APOA5: variants seen among roughly 807,000 people sequenced by gnomAD.
The protein encoded by APOA5 is apolipoprotein A5, also known as apolipoprotein A-V.
A neutral mutation model predicts 31.8 loss-of-function variants in APOA5; 26 were observed. The ratio of observed to expected loss-of-function variants is 0.82; its 90% CI spans 0.60 to 1.13. APOA5 has a LOEUF of 1.13. APOA5 is among the 50% of genes most tolerant of loss of function. The pLI is 0.00. For missense variants in APOA5, 450 were observed against 488.0 expected (o/e 0.92, Z 0.73); for synonymous variants, 186 against 198.5 (o/e 0.94, Z 0.53).
chr11:116,791,211 T>C, intron 2 of APOA5, 144 bp from the exon 3 acceptor site: 9 of 765,158 alleles, frequency 1.2e-5, no homozygotes. Flanking sequence ...GTCCTAGCCC[T>C]GGCCAGTAAC....
chr11:116,790,355 T>C lies in APOA5; in HGVS notation c.874A>G (p.Thr292Ala), dbSNP rs766805532. ...GTGAAGGCAGCTATCTGCAGGTAGGTGTCCTGGCGGAAAGCCTGAAGTCGC... is the reference window on the plus strand; with the variant it reads ...GTGAAGGCAGCTATCTGCAGGTAGGCGTCCTGGCGGAAAGCCTGAAGTCGC... ...RQRLQAFRQD[T>A]YLQIAAFTRA... The change falls in exon 3 of 3, where the codon ACC (threonine) becomes GCC (alanine). Residue 292 changes from threonine to alanine, a missense_variant. Thr to Ala is a moderately conservative substitution (Grantham distance 58, BLOSUM62 0). Coordinates refer to ENST00000227665, the MANE Select transcript of APOA5 (RefSeq NM_001371904.1). 17 of 1,613,912 alleles carry C rather than the reference T, an allele frequency of 1.1e-5. No homozygotes were observed. In the South Asian group the frequency reaches 1.8e-4, roughly 17 times the overall value.
chr11:116,790,409 G>T lies in APOA5; in HGVS notation c.820C>A (p.Pro274Thr), dbSNP rs769276750. ...TGTEEGAGPD[P>T]QMLSEEVRQR... is the part of the protein sequence containing the mutation. ...CGCACCTCCTCGGAGAGCATCTGGG[G>T]GTCCGGGCCGGCCCCTTCCTCAGTC... Residue 274 changes from proline to threonine, a missense_variant, in exon 3 of 3, where the codon CCC (proline) becomes ACC (threonine). Coordinates refer to ENST00000227665, the MANE Select transcript of APOA5 (RefSeq NM_001371904.1). 2.5e-6 allele frequency: 4 copies of T among 1,608,030 alleles called. No homozygotes were observed. The highest frequency in any genetic ancestry group is 2.7e-5 in the African/African-American group (2 of 75,076).
rs1356245997 is a variant in APOA5 at position 116,789,962 on chromosome 11, G to A, written c.*166C>T. 2.1e-5 allele frequency: 15 copies of A among 702,658 alleles called. No homozygotes were observed. The highest frequency in any genetic ancestry group is 1.5e-4 in the South Asian group (9 of 59,234). The allele number at this position is 702,658 out of a possible 1,614,324, so 43.5% of individuals were successfully genotyped here. A position where few individuals can be genotyped will look rare whatever the true frequency, so the allele number is the denominator to read the frequency against. On this transcript the variant is annotated 3_prime_UTR_variant, in exon 3 of 3. Coordinates refer to ENST00000227665, the MANE Select transcript of APOA5 (RefSeq NM_001371904.1). ...GCATCCAGATTGGGGAGTCGCAGGA[G>A]GCTGGATGTGCAGGAGACAGCAGCC...
intron 2 of APOA5, chr11:116,791,373 A>G (rs1043503221): frequency 1.5e-5 from 11 of 710,960 alleles, no homozygotes; most frequent in Non-Finnish European, 2.8e-5. Context: ...CTCAGTGAGC[A>G]AGGGGGCAAC....
In APOA5 at chr11:116,791,813, T is replaced by C. The variant is rs1184540657; in HGVS notation, c.48A>G (p.Ser16=). The change falls in exon 1 of 3, where the codon TCA becomes TCG. Residue 16 remains serine (S), a splice_region_variant and synonymous_variant. Transcript: ENST00000227665. ...TTGAAGTCAGGGTCGGAGACCCACC[T>C]GAAAGAAGAGCCAGAGCCCAGGTGA... ...AVLTWALALL[S]AFSATQARKG... 6.2e-7 allele frequency: 1 copy of C among 1,614,188 alleles called. No individual in the cohort carries two copies.
In APOA5 at chr11:116,790,560, G is replaced by T; in HGVS notation, c.669C>A (p.Arg223=). 6.2e-7 allele frequency: 1 copy of T among 1,600,226 alleles called. No individual in the cohort carries two copies. Residue 223 remains arginine (R), a synonymous_variant, in exon 3 of 3, where the codon CGC becomes CGA. Coordinates refer to ENST00000227665, the MANE Select transcript of APOA5 (RefSeq NM_001371904.1). ...AGAGCACCTGCACGCAGCGACTGAG[G>T]CGCGCGGGGCTGGCGGGGGCGTGCG... The part of the protein sequence containing the change: ...VAPHAPASPA[R]LSRCVQVLSR...
rs768681709 is a variant in APOA5, at chr11:116,790,395, G to A, written c.834C>T (p.Ser278=). 1 of 1,610,606 alleles carries A rather than the reference G, an allele frequency of 6.2e-7. No homozygotes were observed. Among genetic ancestry groups the A allele is most frequent in the Non-Finnish European group, 8.5e-7 (1 of 1,180,010 alleles). ...CCTGAAGTCGCTGGCGCACCTCCTC[G>A]GAGAGCATCTGGGGGTCCGGGCCGG... ...EGAGPDPQML[S]EEVRQRLQAF... The change falls in exon 3 of 3, where the codon TCC becomes TCT. Residue 278 remains serine, a synonymous_variant. Coordinates refer to ENST00000227665, the MANE Select transcript of APOA5 (RefSeq NM_001371904.1).
chr11:116,791,456 A>C, intron 2 of APOA5, 130 bp downstream of exon 2: 2 of 1,017,918 alleles, frequency 2.0e-6, no homozygotes, highest in Admixed American at 2.0e-5. Flanking sequence ...GGATCTGCAG[A>C]CAGAGCTAGC....
Position 116,789,995 on chromosome 11 carries a change from T to C in APOA5, c.*133A>G. On this transcript the variant is annotated 3_prime_UTR_variant, in exon 3 of 3. Transcript: ENST00000227665. ...GTGCAGGAGACAGCAGCCCCTTTGGTGGCCTCCCTGTCCTGCACAGGACCT... is the reference window on the plus strand; with the variant it reads ...GTGCAGGAGACAGCAGCCCCTTTGGCGGCCTCCCTGTCCTGCACAGGACCT... The C allele has an allele frequency of 1.1e-6, 1 of 924,456 alleles. No individual in the cohort carries two copies. 57.3% of individuals were successfully genotyped at this position (924,456 alleles called of 1,614,324 possible).
chr11:116,790,652 G>T lies in APOA5; in HGVS notation c.577C>A (p.Pro193Thr). ...CCGCTCACCAGGCTCTCGGCGTATG[G>T]GTGGAAGAGCTCTTTGAAGCGGCCG... Reference protein sequence around the residue: ...HTGRFKELFHPYAESLVSGIG... With the variant: ...HTGRFKELFHTYAESLVSGIG... The change falls in exon 3 of 3, where the codon CCA (proline) becomes ACA (threonine). Residue 193 changes from proline to threonine, a missense_variant. Pro to Thr is a conservative substitution (Grantham distance 38). Coordinates refer to ENST00000227665, the MANE Select transcript of APOA5 (RefSeq NM_001371904.1). 6.2e-7 allele frequency: 1 copy of T among 1,612,050 alleles called. No individual in the cohort carries two copies. Among genetic ancestry groups the T allele is most frequent in the Non-Finnish European group, 8.5e-7 (1 of 1,179,876 alleles).
rs770878204 is a variant in APOA5, at chr11:116,791,603, C to T, written c.144G>A (p.Lys48=). ...GCACTCACGCGGGCTCGCGAGCCAT[C>T]TTCTGCTGATGGATCTGCTCCACCC... ...KGRVEQIHQQ[K]MAREPATLKD... The change falls in exon 2 of 3, where the codon AAG becomes AAA. Residue 48 remains lysine, a synonymous_variant. Transcript: ENST00000227665. The T allele has an allele frequency of 4.4e-6, 7 of 1,605,296 alleles. No individual in the cohort carries two copies. The highest frequency in any genetic ancestry group is 6.0e-6 in the Non-Finnish European group (7 of 1,176,120).
At chr11:116,791,130 C>A (rs780201601) in intron 2 of APOA5, 63 bp from the exon 3 acceptor site, 1 of 1,381,700 alleles carries the variant, frequency 7.2e-7, no homozygotes, top group South Asian at 1.2e-5. Flanking sequence ...CCTTTGTCCC[C>A]AAGTCATCGC....
chr11:116,790,583 G>C lies in APOA5; in HGVS notation c.646C>G (p.His216Asp). 6.3e-7 allele frequency: 1 copy of C among 1,599,938 alleles called. No homozygotes were observed. The highest frequency in any genetic ancestry group is 1.3e-5 in the African/African-American group (1 of 74,976). ...AGGCGCGCGGGGCTGGCGGGGGCGT[G>C]CGGAGCCACACTGCGGTGCAGCTCC... ...VQELHRSVAP[H>D]APASPARLSR... is the part of the protein sequence containing the mutation. Residue 216 changes from histidine (H) to aspartate (D), a missense_variant, in exon 3 of 3, where the codon CAC becomes GAC. Physicochemically the swap from His to Asp is moderately conservative, Grantham distance 81. Transcript: ENST00000227665.
chr11:116,790,921 A>G lies in APOA5; in HGVS notation c.308T>C (p.Val103Ala). 6.2e-7 allele frequency: 1 copy of G among 1,612,978 alleles called. No homozygotes were observed. Among genetic ancestry groups the G allele is most frequent in the Non-Finnish European group, 8.5e-7 (1 of 1,179,924 alleles). Residue 103 changes from valine to alanine, a missense_variant, in exon 3 of 3, where the codon GTG (valine) becomes GCG (alanine). Physicochemically the swap from Val to Ala is moderately conservative, Grantham distance 64. Transcript: ENST00000227665. ...CATGTAGGGCTGGAGGCGAGCCTTC[A>G]CCTCCTCCAACTCCTCCTGCAGCTG... ...RRQLQEELEE[V>A]KARLQPYMAE...
Position 116,790,622 on chromosome 11 carries a change from C to T in APOA5, c.607G>A (p.Gly203Arg). The T allele has an allele frequency of 5.6e-6, 9 of 1,609,422 alleles. No homozygotes were observed. The Middle Eastern group carries it at 5.0e-4, about 89-fold the overall frequency. The stretch of plus-strand genomic sequence containing the variant: ...CGGTGCAGCTCCTGCACGTGGCGCC[C>T]GATGCCGCTCACCAGGCTCTCGGCG... ...PYAESLVSGI[G>R]RHVQELHRSV... Residue 203 changes from glycine (G) to arginine (R), a missense_variant, in exon 3 of 3, where the codon GGG (glycine) becomes AGG (arginine). Physicochemically the swap from Gly to Arg is moderately radical, Grantham distance 125. Coordinates refer to ENST00000227665, the MANE Select transcript of APOA5 (RefSeq NM_001371904.1).
intron 2 of APOA5, 174 bp downstream of exon 2, chr11:116,791,412 C>A: frequency 1.3e-6 from 1 of 774,290 alleles, no homozygotes; most frequent in South Asian, 1.5e-5. Flanking sequence ...GCGGGGGCTG[C>A]AGGCAGAGGG....
chr11:116,792,005 C>T, upstream of APOA5: 2 of 882,242 alleles, frequency 2.3e-6, no homozygotes, highest in Non-Finnish European at 3.6e-6. Context: ...CTGGGGAGCA[C>T]AGAGCTGTTG....
intron 2 of APOA5, 28 bp downstream of exon 2, chr11:116,791,558 G>A (rs372231298): frequency 5.7e-6 from 9 of 1,573,480 alleles, no homozygotes; most frequent in African/African-American, 4.1e-5. Context: ...TCCTCCCTTC[G>A]CCTACACCCC....
chr11:116,790,040 GC>G lies in APOA5; in HGVS notation c.*87del. 7.0e-7 allele frequency: 1 copy of G among 1,433,282 alleles called. No individual in the cohort carries two copies. Among genetic ancestry groups the G allele is most frequent in the South Asian group, 1.2e-5 (1 of 82,128 alleles). 88.8% of individuals were successfully genotyped at this position (1,433,282 alleles called of 1,614,324 possible). On this transcript the variant is annotated 3_prime_UTR_variant, in exon 3 of 3. Transcript: ENST00000227665. ...GGACCTTCCACCCTCCACCCAACAG[GC>G]CACTTTCAAGGACTGAACCATGCTA...
Sources: gnomAD v4.1 joint callset for allele counts on GRCh38, gnomAD v4.1.1 for gene constraint, MANE v1.5 for transcripts, NCBI Gene and HGNC (gene_info 2026-07-23, HGNC 2026-07-21) for gene names.